Variants in ZMYM6 observed in about 807,000 individuals in gnomAD.
ZMYM6 encodes zinc finger MYM-type protein 6.
A neutral mutation model predicts 134.0 loss-of-function variants in ZMYM6; 90 were observed. That is an observed-to-expected ratio of 0.67 (90% CI 0.57 to 0.80). The LOEUF is 0.80. Ranked by LOEUF, ZMYM6 falls within the 30% of genes least tolerant of loss-of-function variation. The pLI, the probability that ZMYM6 is intolerant of heterozygous loss-of-function variation, is 0.00. For synonymous variants in ZMYM6, 481 were observed against 524.1 expected (o/e 0.92, Z 1.12); for missense variants, 1,362 against 1,533.9 (o/e 0.89, Z 1.87).
rs752866111 is a variant in ZMYM6, at chr1:35,020,399, A to C, written c.162T>G (p.Val54=). The change falls in exon 3 of 16, where the codon GTT becomes GTG. Residue 54 remains valine, a synonymous_variant. Transcript: ENST00000357182. ...ATTTCTTACCAATAGGTCTCTCATTAACTGAAGACACACCACCAATTTTCA... is the reference window on the plus strand; with the variant it reads ...ATTTCTTACCAATAGGTCTCTCATTCACTGAAGACACACCACCAATTTTCA... ...SKLKIGGVSS[V]NERPIAQQLN... The C allele has an allele frequency of 1.9e-6, 3 of 1,612,840 alleles. No individual in the cohort carries two copies. The highest frequency in any genetic ancestry group is 2.5e-6 in the Non-Finnish European group (3 of 1,179,532).
chr1:35,027,487 G>A (rs1641435226), intron 2 of ZMYM6, among the ~76,000 whole-genome samples: 2 of 152,190 alleles, frequency 1.3e-5, no homozygotes, highest in Non-Finnish European at 2.9e-5. Flanking sequence ...GATGGCTCAT[G>A]CCTGTAATCC....
Position 35,010,841 on chromosome 1 carries a change from C to A in ZMYM6, c.1258G>T (p.Ala420Ser), listed in dbSNP as rs568330549. The A allele has an allele frequency of 1.2e-6, 2 of 1,613,090 alleles. No individual in the cohort carries two copies. Among genetic ancestry groups the A allele is most frequent in the Admixed American group, 3.3e-5 (2 of 59,712 alleles). Residue 420 changes from alanine to serine, a missense_variant, in exon 9 of 16, where the codon GCT (alanine) becomes TCT (serine). Physicochemically the swap from Ala to Ser is moderately conservative, Grantham distance 99. Around this residue, in one of 3 missense-constraint regions of ZMYM6, gnomAD observed 503 missense variants for 520.8 expected, o/e 0.97. Transcript: ENST00000357182. ...QPLAEQSQQV[A>S]LTHTVVKLKC... ...AGTTTAACAACTGTATGGGTTAAAG[C>A]AACTTGCTGGGATTGTTCAGCAAGA...
intron 14 of ZMYM6, 144 bp downstream of exon 14, chr1:35,003,818 TTTACTG>T (rs1447850223): frequency 7.6e-6 from 5 of 660,550 alleles, no homozygotes; most frequent in Non-Finnish European, 1.1e-5. Context: ...TGCCAGTCAC[TTTACTG>T]TTAGTTGTGC....
chr1:35,021,980 T>C (rs1418549717), intron 2 of ZMYM6, among the ~76,000 whole-genome samples: 1 of 152,212 alleles, frequency 6.6e-6, no homozygotes, highest in Admixed American at 6.5e-5. Flanking sequence ...TGGTAATAAA[T>C]GGCAGTTGTA....
chr1:34,988,131 G>A lies in ZMYM6; in HGVS notation c.2951C>T (p.Ala984Val), dbSNP rs1335657524. Residue 984 changes from alanine to valine, a missense_variant, in exon 16 of 16, where the codon GCA becomes GTA. Ala to Val is a moderately conservative substitution (Grantham distance 64). Coordinates refer to ENST00000357182, the MANE Select transcript of ZMYM6 (RefSeq NM_007167.4). Reference protein sequence around the residue: ...HCVGLCTDGAASMTGRYSGLK... With the variant: ...HCVGLCTDGAVSMTGRYSGLK... ...ACCAGAATACCTGCCAGTCATGCTT[G>A]CAGCCCCATCGGTACAGAGACCAAC... is the stretch of plus-strand genomic sequence containing the variant. The A allele has an allele frequency of 1.3e-6, 2 of 1,551,432 alleles. No individual in the cohort carries two copies. The highest frequency in any genetic ancestry group is 1.7e-6 in the Non-Finnish European group (2 of 1,146,962).
chr1:35,016,411 T>C (rs925233832), intron 4 of ZMYM6, among the ~76,000 whole-genome samples: 1 of 152,122 alleles, frequency 6.6e-6, no homozygotes, highest in African/African-American at 2.4e-5. Context: ...ACAAAAATAA[T>C]TGGGTGGTTC....
At position 35,015,135 on chromosome 1, in the gene ZMYM6, G is replaced by T. The variant is rs1641157804; in HGVS notation, c.456C>A (p.Ile152=). 1 of 1,607,978 alleles carries T rather than the reference G, an allele frequency of 6.2e-7. No homozygotes were observed. The highest frequency in any genetic ancestry group is 8.5e-7 in the Non-Finnish European group (1 of 1,178,542). ...SKDILNPKDV[I]TTRFENSYPS... ...GATAGGAATTCTCAAAGCGAGTTGT[G>T]ATCACATCCTTAGGATTTAAAATGT... The change falls in exon 5 of 16, where the codon ATC becomes ATA. Residue 152 remains isoleucine (I), a synonymous_variant. Coordinates refer to ENST00000357182, the MANE Select transcript of ZMYM6 (RefSeq NM_007167.4).
In ZMYM6 at chr1:34,987,490, A is replaced by C. The variant is rs1201032130; in HGVS notation, c.3592T>G (p.Phe1198Val). 8 of 1,613,306 alleles carry C rather than the reference A, an allele frequency of 5.0e-6. No individual in the cohort carries two copies. Among genetic ancestry groups the C allele is most frequent in the Middle Eastern group, 1.7e-4 (1 of 6,060 alleles). Reference protein sequence around the residue: ...FEHLEGLSQVFSDCFPPEQDL... With the variant: ...FEHLEGLSQVVSDCFPPEQDL... Reference sequence around the variant, plus strand: ...TGTTCTGGTGGAAAACAGTCACTGAACACTTGAGAAAGTCCTTCCAGGTGC... The same window carrying C: ...TGTTCTGGTGGAAAACAGTCACTGACCACTTGAGAAAGTCCTTCCAGGTGC... Residue 1198 changes from phenylalanine to valine, a missense_variant, in exon 16 of 16, where the codon TTC becomes GTC. Coordinates refer to ENST00000357182, the MANE Select transcript of ZMYM6 (RefSeq NM_007167.4).
At position 35,005,247 on chromosome 1, in the gene ZMYM6, A is replaced by G; in HGVS notation, c.1839T>C (p.Ala613=). The part of the protein sequence containing the change: ...NKVNISKAKT[A]VTELPSARTD... ...TCCTTGCAGAAGGGAGCTCCGTCAC[A>G]GCAGTTTTTGCTTTAGAAATATTTA... The change falls in exon 13 of 16, where the codon GCT becomes GCC. Residue 613 remains alanine (A), a synonymous_variant. Coordinates refer to ENST00000357182, the MANE Select transcript of ZMYM6 (RefSeq NM_007167.4). The G allele has an allele frequency of 1.9e-6, 3 of 1,614,132 alleles. No homozygotes were observed. The highest frequency in any genetic ancestry group is 2.5e-6 in the Non-Finnish European group (3 of 1,180,012).
intron 2 of ZMYM6, among the ~76,000 whole-genome samples, chr1:35,027,790 A>C (rs1641441503): frequency 6.6e-6 from 1 of 151,396 alleles, no homozygotes; most frequent in Non-Finnish European, 1.5e-5. Context: ...GGTCAGATAC[A>C]AAAAATATTT....
At position 34,994,917 on chromosome 1, in the gene ZMYM6, TATATATAGAC is replaced by T. The variant is rs1201028630; in HGVS notation, c.1993-2540_1993-2531del. Among the ~76,000 whole-genome samples the T allele has an allele frequency of 4.6e-5, 6 of 131,406 alleles. No individual in the cohort carries two copies. In the South Asian group the frequency reaches 1.1e-3, roughly 24 times the overall value. The allele number at this position is 131,406 out of a possible 152,430, so 86.2% of individuals were successfully genotyped here. On this transcript the variant is annotated intron_variant, in intron 14 of 15. Coordinates refer to ENST00000357182, the MANE Select transcript of ZMYM6 (RefSeq NM_007167.4). ...CTATACACACATGTATATATGTGTGTATATATAGACATATATATATATATGTATACATATA... is the reference window on the plus strand; with the variant it reads ...CTATACACACATGTATATATGTGTGTATATATATATATATGTATACATATA...
chr1:34,999,969 C>T (rs970385828), intron 14 of ZMYM6, among the ~76,000 whole-genome samples: 5 of 152,094 alleles, frequency 3.3e-5, no homozygotes, highest in African/African-American at 9.7e-5. Flanking sequence ...CACTCTGTCA[C>T]CCAGGTTGTA....
chr1:34,990,787 A>C lies in ZMYM6; in HGVS notation c.2146+1447T>G, dbSNP rs1640659810. Among the ~76,000 whole-genome samples the C allele has an allele frequency of 3.3e-5, 5 of 152,362 alleles. No individual in the cohort carries two copies. The South Asian group carries it at 1.0e-3, about 32-fold the overall frequency. On this transcript the variant is annotated intron_variant, in intron 15 of 15. Coordinates refer to ENST00000357182, the MANE Select transcript of ZMYM6 (RefSeq NM_007167.4). ...AAAAAATAATCTCAATGTATATTTA[A>C]ATTTATATTGTTGTGGAATAATGTT...
chr1:35,015,267 G>A, intron 4 of ZMYM6, 105 bp from the exon 5 acceptor site: 1 of 1,110,088 alleles, frequency 9.0e-7, no homozygotes. Flanking sequence ...GTACTGTATG[G>A]TAGAAAAAGG....
At chr1:35,010,334 T>C (rs1569772745) in intron 10 of ZMYM6, 113 bp downstream of exon 10, 1 of 1,392,360 alleles carries the variant, frequency 7.2e-7, no homozygotes, top group East Asian at 2.3e-5. Flanking sequence ...AAAATACTTC[T>C]AATTACACCT....
chr1:35,011,620 A>G (rs1436432864), intron 8 of ZMYM6, among the ~76,000 whole-genome samples: 1 of 152,148 alleles, frequency 6.6e-6, no homozygotes, highest in Non-Finnish European at 1.5e-5. Flanking sequence ...CCTAGCTTCC[A>G]TCTTTTTGAA....
chr1:35,024,469 A>G (rs1485528831), intron 2 of ZMYM6, among the ~76,000 whole-genome samples: 2 of 152,182 alleles, frequency 1.3e-5, no homozygotes, highest in Non-Finnish European at 1.5e-5. Context: ...CTCAAACTGC[A>G]CTTAGTACTT....
chr1:35,015,373 A>G (rs1404683624), intron 4 of ZMYM6, among the ~76,000 whole-genome samples: 3 of 152,170 alleles, frequency 2.0e-5, no homozygotes, highest in African/African-American at 7.2e-5. Context: ...CTTCATGTAT[A>G]AAATGGGGCT....
At chr1:34,992,876 T>G (rs901399549) in intron 14 of ZMYM6, among the ~76,000 whole-genome samples, 1 of 145,528 alleles carries the variant, frequency 6.9e-6, no homozygotes, top group African/African-American at 2.5e-5. Context: ...ATTTATAAAC[T>G]ATAAATATAA....
Sources: gnomAD v4.1 joint callset for allele counts (sites outside exome capture counted in the v4.1 genomes callset) on GRCh38, gnomAD v4.1.1 for gene constraint, gnomAD v4.1.1 regional missense constraint, MANE v1.5 for transcripts, NCBI Gene and HGNC (gene_info 2026-07-23, HGNC 2026-07-21) for gene names.